CEP43: variants seen among roughly 807,000 people sequenced by gnomAD.
The protein encoded by CEP43 is centrosomal protein 43, also known as FGFR1 oncogene partner.
A neutral mutation model predicts 52.6 loss-of-function variants in CEP43; 36 were observed. The observed-to-expected ratio is 0.68, with a 90% CI of 0.52 to 0.90. CEP43 has a LOEUF of 0.90. Ranked by LOEUF, CEP43 falls within the 40% of genes least tolerant of loss-of-function variation. The probability of loss-of-function intolerance (pLI) is 0.00; values close to 1 mark genes in which losing one functional copy is unlikely to be tolerated. For missense variants in CEP43, 506 were observed against 472.8 expected, an observed-to-expected ratio of 1.07 and a Z score of -0.65; for synonymous variants, 192 against 172.4, an observed-to-expected ratio of 1.11 and a Z score of -0.89.
At chr6:167,022,713 A>C in intron 8 of CEP43, 78 bp downstream of exon 8, 1 of 935,008 alleles carries the variant, frequency 1.1e-6, no homozygotes, top group South Asian at 1.6e-5. Context: ...GTTAAAAAAT[A>C]ATGAACTATG....
chr6:167,028,998 G>A (rs558359797), intron 10 of CEP43, among the ~76,000 whole-genome samples: 11 of 152,296 alleles, frequency 7.2e-5, no homozygotes, highest in Admixed American at 1.3e-4. Context: ...AGCTTTTTCC[G>A]TAAAGGGCCA....
In CEP43 at chr6:167,047,146, C is replaced by G. The variant is rs1384293291; in HGVS notation, c.*7168C>G. 6.6e-6 allele frequency: 1 copy of G among 152,158 alleles called. No homozygotes were observed. The highest frequency in any genetic ancestry group is 2.4e-5 in the African/African-American group (1 of 41,392). The allele number at this position is 152,158 out of a possible 1,614,324, so 9.4% of individuals were successfully genotyped here. ...TTCTTCAGAGAGGGGATGTTCAATG[C>G]GAAATTTGAACATTGGGACCTGAAA... On this transcript the variant is annotated 3_prime_UTR_variant, in exon 13 of 13. Coordinates refer to ENST00000366847, the MANE Select transcript of CEP43 (RefSeq NM_007045.4).
chr6:167,040,738 T>G lies in CEP43; in HGVS notation c.*760T>G. 9.8e-7 allele frequency: 1 copy of G among 1,015,700 alleles called. No individual in the cohort carries two copies. The highest frequency in any genetic ancestry group is 1.2e-6 in the Non-Finnish European group (1 of 845,022). The allele number at this position is 1,015,700 out of a possible 1,614,324, so 62.9% of individuals were successfully genotyped here. A position where few individuals can be genotyped will look rare whatever the true frequency, so the allele number is the denominator to read the frequency against. The stretch of plus-strand genomic sequence containing the variant: ...ATTATAATTTATTATCTGTAAAGAT[T>G]CCTTGAAACTTAAATGCATCTGAAA... On this transcript the variant is annotated 3_prime_UTR_variant, in exon 13 of 13. Transcript: ENST00000366847.
rs2114861926 is a variant in CEP43 at position 167,047,955 on chromosome 6, T to G, written c.*7977T>G. On this transcript the variant is annotated 3_prime_UTR_variant, in exon 13 of 13. Transcript: ENST00000366847. The stretch of plus-strand genomic sequence containing the variant: ...AATTATGAGACTAGAAAAACAACAA[T>G]TCTTAGTATACCACAGACTGTGGTG... 6.6e-6 allele frequency: 1 copy of G among 152,312 alleles called. No individual in the cohort carries two copies. Among genetic ancestry groups the G allele is most frequent in the South Asian group, 2.1e-4 (1 of 4,828 alleles). The allele number at this position is 152,312 out of a possible 1,614,324, so 9.4% of individuals were successfully genotyped here.
chr6:167,022,183 G>A (rs1367539988), intron 7 of CEP43, among the ~76,000 whole-genome samples: 1 of 151,642 alleles, frequency 6.6e-6, no homozygotes, highest in Non-Finnish European at 1.5e-5. Flanking sequence ...TTGAAAGTTT[G>A]CCATGTTAGG....
chr6:167,003,822 TG>T lies in CEP43; in HGVS notation c.300+12del. On this transcript the variant is annotated intron_variant, in intron 4 of 12. Coordinates refer to ENST00000366847, the MANE Select transcript of CEP43 (RefSeq NM_007045.4). ...CCTGAAACTAGCACAGTAAGAATAA[TG>T]ATTTTTACATCTATCTTTTGAAACC... 1 of 1,513,554 alleles carries T rather than the reference TG, an allele frequency of 6.6e-7. No individual in the cohort carries two copies. The highest frequency in any genetic ancestry group is 9.2e-7 in the Non-Finnish European group (1 of 1,091,468). 93.8% of individuals were successfully genotyped at this position (1,513,554 alleles called of 1,614,324 possible).
intron 12 of CEP43, among the ~76,000 whole-genome samples, chr6:167,035,715 T>C (rs1022550442): frequency 6.6e-6 from 1 of 152,032 alleles, no homozygotes; most frequent in Non-Finnish European, 1.5e-5. Flanking sequence ...TACAGGCGCC[T>C]GCCACCACGC....
intron 10 of CEP43, among the ~76,000 whole-genome samples, chr6:167,031,825 G>C (rs1780477262): frequency 6.6e-6 from 1 of 152,200 alleles, no homozygotes; most frequent in African/African-American, 2.4e-5. Flanking sequence ...GGAGGGAAGG[G>C]CTGCTGATTT....
chr6:167,021,929 C>T (rs1227843945), intron 7 of CEP43, among the ~76,000 whole-genome samples: 1 of 152,132 alleles, frequency 6.6e-6, no homozygotes, highest in Non-Finnish European at 1.5e-5. Context: ...TACTTTAATG[C>T]TTGGTTCATT....
intron 12 of CEP43, among the ~76,000 whole-genome samples, chr6:167,037,062 TCTCAAAGTG>T (rs1780599316): frequency 6.6e-6 from 1 of 152,202 alleles, no homozygotes; most frequent in Admixed American, 6.5e-5. Flanking sequence ...CGCCTTGGCC[TCTCAAAGTG>T]CTGAGATTAC....
rs145851973 is a variant in CEP43, at chr6:167,039,947, A to T, written c.1169A>T (p.Asp390Val). ...GATCTGACTGTATCCCAGCTCAGTG[A>T]TGTTGCGGATTATCTGGAAGATGTT... ...TQDLTVSQLS[D>V]VADYLEDVA The change falls in exon 13 of 13, where the codon GAT becomes GTT. Residue 390 changes from aspartate (D) to valine (V), a missense_variant. Transcript: ENST00000366847. The T allele has an allele frequency of 2.8e-4, 454 of 1,613,788 alleles. 1 individual carries two copies. The African/African-American group carries it at 5.6e-3, about 20-fold the overall frequency.
In CEP43 at chr6:167,043,914, T is replaced by TATGTCGAAA. The variant is rs1234329168; in HGVS notation, c.*3936_*3937insATGTCGAAA. The TATGTCGAAA allele has an allele frequency of 6.6e-6, 1 of 152,160 alleles. No homozygotes were observed. Among genetic ancestry groups the TATGTCGAAA allele is most frequent in the Non-Finnish European group, 1.5e-5 (1 of 68,036 alleles). 9.4% of individuals were successfully genotyped at this position (152,160 alleles called of 1,614,324 possible). On this transcript the variant is annotated 3_prime_UTR_variant, in exon 13 of 13. Coordinates refer to ENST00000366847, the MANE Select transcript of CEP43 (RefSeq NM_007045.4). ...AAAAACCTGTGAAGGACTGAATGTG[T>TATGTCGAAA]CCCCCAAAATGTGTATGTCGAAACC...
At chr6:167,008,570 A>G (rs1175873480) in intron 5 of CEP43, among the ~76,000 whole-genome samples, 4 of 151,946 alleles carry the variant, frequency 2.6e-5, no homozygotes, top group Non-Finnish European at 5.9e-5. Flanking sequence ...CAGGTTCACG[A>G]CATTCTTCTG....
At chr6:167,037,960 A>G (rs1278800678) in intron 12 of CEP43, among the ~76,000 whole-genome samples, 4 of 152,136 alleles carry the variant, frequency 2.6e-5, no homozygotes, top group Admixed American at 1.3e-4. Flanking sequence ...CACAACAATG[A>G]GTCTAGGTGG....
At chr6:167,029,697 GTGTC>G (rs1780426991) in intron 10 of CEP43, among the ~76,000 whole-genome samples, 1 of 152,258 alleles carries the variant, frequency 6.6e-6, no homozygotes, top group African/African-American at 2.4e-5. Context: ...TTTGTCTCAT[GTGTC>G]TGTCTGAAGA....
At position 167,048,145 on chromosome 6, in the gene CEP43, C is replaced by T. The variant is rs1316055102; in HGVS notation, c.*8167C>T. 6.6e-6 allele frequency: 1 copy of T among 152,130 alleles called. No individual in the cohort carries two copies. Among genetic ancestry groups the T allele is most frequent in the Non-Finnish European group, 1.5e-5 (1 of 68,060 alleles). The allele number at this position is 152,130 out of a possible 1,614,324, so 9.4% of individuals were successfully genotyped here. A position where few individuals can be genotyped will look rare whatever the true frequency, so the allele number is the denominator to read the frequency against. ...GTGGCTCACACCTGTAATCCCAGCA[C>T]TTACGGAGACCAAGGCGGGCAGATT... On this transcript the variant is annotated 3_prime_UTR_variant, in exon 13 of 13. Coordinates refer to ENST00000366847, the MANE Select transcript of CEP43 (RefSeq NM_007045.4).
chr6:167,013,049 C>T (rs926208600), intron 6 of CEP43, among the ~76,000 whole-genome samples: 4 of 152,160 alleles, frequency 2.6e-5, no homozygotes, highest in African/African-American at 9.7e-5. Context: ...TAGCTACCTC[C>T]TACCAAATCA....
In CEP43 at chr6:167,004,347, A is replaced by G; in HGVS notation, c.384A>G (p.Leu128=). Residue 128 remains leucine (L), a synonymous_variant, in exon 5 of 13, where the codon TTA becomes TTG. Coordinates refer to ENST00000366847, the MANE Select transcript of CEP43 (RefSeq NM_007045.4). ...EAEGTVGGPL[L]LEVIRRCQQK... ...AAGGTACTGTGGGTGGACCCTTATT[A>G]TTAGAAGTGATCAGGCGCTGTCAAC... 1 of 1,611,716 alleles carries G rather than the reference A, an allele frequency of 6.2e-7. No individual in the cohort carries two copies.
At chr6:167,018,372 A>AT (rs1250292042) in intron 7 of CEP43, among the ~76,000 whole-genome samples, 1 of 152,030 alleles carries the variant, frequency 6.6e-6, no homozygotes, top group African/African-American at 2.4e-5. Context: ...ATTCTAAGGC[A>AT]TTGCCATGGT....
Sources: gnomAD v4.1 joint callset for allele counts (sites outside exome capture counted in the v4.1 genomes callset) on GRCh38, gnomAD v4.1.1 for gene constraint, MANE v1.5 for transcripts, NCBI Gene and HGNC (gene_info 2026-07-23, HGNC 2026-07-21) for gene names.